CA10: variants seen among roughly 807,000 people sequenced by gnomAD.
CA10 encodes the protein carbonic anhydrase-related protein 10.
Under a neutral mutation model 44.2 loss-of-function variants are expected in CA10, and 14 were observed. The observed-to-expected ratio is 0.32, with a 90% CI of 0.21 to 0.50. The LOEUF is 0.50. CA10 is among the 20% of genes least tolerant of loss of function. The probability of loss-of-function intolerance (pLI) is 0.99; values close to 1 mark genes in which losing one functional copy is unlikely to be tolerated. For missense variants in CA10, 350 were observed against 409.7 expected, an observed-to-expected ratio of 0.85 and a Z score of 1.26; for synonymous variants, 159 against 141.6, an observed-to-expected ratio of 1.12 and a Z score of -0.87.
chr17:51,872,428 T>G (rs964312854), intron 3 of CA10, among the ~76,000 whole-genome samples: 22 of 152,162 alleles, frequency 1.4e-4, no homozygotes, highest in Non-Finnish European at 7.4e-5. Flanking sequence ...CAAACCATTG[T>G]TTCTTCAGAA....
At chr17:51,846,031 G>T (rs2143812987) in intron 3 of CA10, among the ~76,000 whole-genome samples, 1 of 152,346 alleles carries the variant, frequency 6.6e-6, no homozygotes, top group Non-Finnish European at 1.5e-5. Context: ...AGCCCAGTGA[G>T]GGCAGCTTGC....
intron 2 of CA10, among the ~76,000 whole-genome samples, chr17:51,959,271 G>GCTCTCT (rs1344275121): frequency 1.2e-4 from 6 of 51,782 alleles, no homozygotes; most frequent in Admixed American, 1.1e-3. Context: ...TCTCTCTCTC[G>GCTCTCT]CTCTCTCTCT....
chr17:51,949,695 A>G (rs188996687), intron 2 of CA10, among the ~76,000 whole-genome samples: 1 of 152,144 alleles, frequency 6.6e-6, no homozygotes, highest in Non-Finnish European at 1.5e-5. Flanking sequence ...GGAGGGGAGT[A>G]TGATGTATGG....
At chr17:51,848,866 G>A (rs928235721) in intron 3 of CA10, among the ~76,000 whole-genome samples, 8 of 152,028 alleles carry the variant, frequency 5.3e-5, no homozygotes, top group East Asian at 1.9e-4. Context: ...GGGCAAAATC[G>A]CGAGACCCTG....
intron 1 of CA10, among the ~76,000 whole-genome samples, 190 bp from the exon 2 acceptor site, chr17:52,072,583 T>C (rs1987709445): frequency 6.6e-6 from 1 of 151,182 alleles, no homozygotes; most frequent in Admixed American, 6.6e-5. Context: ...TATAAAAACA[T>C]TTTTATTGAA....
intron 4 of CA10, among the ~76,000 whole-genome samples, chr17:51,689,070 A>C (rs763020809): frequency 6.6e-6 from 1 of 152,194 alleles, no homozygotes; most frequent in Non-Finnish European, 1.5e-5. Flanking sequence ...TTCAGCTCCC[A>C]ATGTGGTGCT....
intron 3 of CA10, among the ~76,000 whole-genome samples, chr17:51,831,862 C>G (rs1413794406): frequency 6.6e-6 from 1 of 152,076 alleles, no homozygotes; most frequent in African/African-American, 2.4e-5. Flanking sequence ...TGCTTTATTA[C>G]AGGGGGCAAA....
At chr17:51,772,594 C>G (rs1905653100) in intron 3 of CA10, among the ~76,000 whole-genome samples, 2 of 151,744 alleles carry the variant, frequency 1.3e-5, no homozygotes, top group South Asian at 4.2e-4. Context: ...ACCACAGCCA[C>G]CAGGTTAAAA....
chr17:51,662,705 C>T (rs1462698978), intron 4 of CA10, among the ~76,000 whole-genome samples: 1 of 152,184 alleles, frequency 6.6e-6, no homozygotes, highest in African/African-American at 2.4e-5. Context: ...TATCATGGGT[C>T]TGTCCGGTGA....
chr17:51,980,357 T>C (rs1201416264), intron 2 of CA10, among the ~76,000 whole-genome samples: 1 of 152,150 alleles, frequency 6.6e-6, no homozygotes, highest in South Asian at 2.1e-4. Flanking sequence ...TCATGTCCTT[T>C]GCCCACTTTT....
chr17:52,016,004 G>A (rs183800758), intron 2 of CA10, among the ~76,000 whole-genome samples: 5 of 152,154 alleles, frequency 3.3e-5, no homozygotes, highest in Admixed American at 1.3e-4. Context: ...GGTGAGTAGA[G>A]GTAGACATTG....
At chr17:51,950,911 A>G (rs1983458983) in intron 2 of CA10, among the ~76,000 whole-genome samples, 4 of 152,116 alleles carry the variant, frequency 2.6e-5, no homozygotes, top group Admixed American at 2.6e-4. Flanking sequence ...AGCTCCTAGG[A>G]TAGTGCACAG....
Position 51,825,492 on chromosome 17 carries a change from G to A in CA10, c.280-77674C>T, listed in dbSNP as rs558802308. The stretch of plus-strand genomic sequence containing the variant: ...CTGCCTATTATAGATGAAAAAGCAG[G>A]CACAGAGAGGTTAAGTAACTTGCCC... On this transcript the variant is annotated intron_variant, in intron 3 of 8. Coordinates refer to ENST00000451037, the MANE Select transcript of CA10 (RefSeq NM_020178.5). Among the ~76,000 whole-genome samples, 3 of 152,228 alleles carry A rather than the reference G, an allele frequency of 2.0e-5. No individual in the cohort carries two copies. In the South Asian group the frequency reaches 6.2e-4, roughly 32 times the overall value.
chr17:51,829,887 G>A (rs2143780979), intron 3 of CA10, among the ~76,000 whole-genome samples: 1 of 152,216 alleles, frequency 6.6e-6, no homozygotes, highest in Non-Finnish European at 1.5e-5. Context: ...CAGAAAGAAA[G>A]GGGTCAATAT....
At chr17:52,120,492 G>A (rs1988993184) in intron 1 of CA10, among the ~76,000 whole-genome samples, 1 of 150,712 alleles carries the variant, frequency 6.6e-6, no homozygotes, top group South Asian at 2.1e-4. Flanking sequence ...TTAACCTAAG[G>A]GCATTTAGAT....
At chr17:51,960,222 TATAA>T (rs1983835880) in intron 2 of CA10, among the ~76,000 whole-genome samples, 1 of 152,032 alleles carries the variant, frequency 6.6e-6, no homozygotes, top group African/African-American at 2.4e-5. Context: ...AATAATCCTT[TATAA>T]ATAAGAGAGA....
At chr17:51,984,331 C>A (rs1984754557) in intron 2 of CA10, among the ~76,000 whole-genome samples, 1 of 151,696 alleles carries the variant, frequency 6.6e-6, no homozygotes, top group Non-Finnish European at 1.5e-5. Context: ...ACACAACCTA[C>A]CAAAACCTCT....
intron 4 of CA10, among the ~76,000 whole-genome samples, chr17:51,728,056 T>G (rs1160645709): frequency 2.0e-5 from 3 of 152,040 alleles, no homozygotes; most frequent in Non-Finnish European, 1.5e-5. Context: ...CAGCTAATTT[T>G]TTGTTGTTGT....
intron 4 of CA10, among the ~76,000 whole-genome samples, chr17:51,665,044 G>A (rs1015093552): frequency 1.3e-5 from 2 of 152,170 alleles, no homozygotes; most frequent in Non-Finnish European, 2.9e-5. Flanking sequence ...ATTCAGAAGA[G>A]TCACTTTAGG....
Sources: allele counts gnomAD v4.1 joint callset (sites outside exome capture counted in the v4.1 genomes callset), GRCh38; gene constraint gnomAD v4.1.1; transcripts MANE v1.5; gene names NCBI Gene and HGNC (gene_info 2026-07-23, HGNC 2026-07-21).